The following RASA2 variants were observed in gnomAD, a reference collection of about 807,000 sequenced individuals.
RASA2 encodes ras GTPase-activating protein 2.
A neutral mutation model predicts 118.2 loss-of-function variants in RASA2; 155 were observed. That is an observed-to-expected ratio of 1.31 (90% CI 1.15 to 1.50). RASA2 has a LOEUF of 1.50. Among genes scored for constraint, RASA2 ranks in the 40% most tolerant of loss-of-function variants. The pLI is 0.00. For synonymous variants in RASA2, 353 were observed against 349.1 expected, an observed-to-expected ratio of 1.01 and a Z score of -0.12; for missense variants, 1,016 against 1,009.6, an observed-to-expected ratio of 1.01 and a Z score of -0.09.
At chr3:141,545,534 C>T (rs1031005236) in intron 5 of RASA2, among the ~76,000 whole-genome samples, 1 of 149,944 alleles carries the variant, frequency 6.7e-6, no homozygotes. Flanking sequence ...ACACGACCTC[C>T]ACCTCCTGGG....
chr3:141,570,002 T>A (rs953034631), intron 9 of RASA2, among the ~76,000 whole-genome samples: 2 of 152,168 alleles, frequency 1.3e-5, no homozygotes, highest in African/African-American at 4.8e-5. Flanking sequence ...TAGTCTTCAG[T>A]TGATAATTGT....
In RASA2 at chr3:141,608,590, C is replaced by T. The variant is rs766796391; in HGVS notation, c.2118C>T (p.Cys706=). The T allele has an allele frequency of 1.2e-6, 2 of 1,613,820 alleles. No individual in the cohort carries two copies. Among genetic ancestry groups the T allele is most frequent in the East Asian group, 4.5e-5 (2 of 44,872 alleles). The stretch of plus-strand genomic sequence containing the variant: ...ACGTACTCTGCAGGGTGAGCCGATG[C>T]AATCAAAACAGGCTCAGTTTTTATC... ...WIDVLCRVSR[C]NQNRLSFYHP... is the part of the protein sequence containing the mutation. The change falls in exon 21 of 24, where the codon TGC becomes TGT. Residue 706 remains cysteine (C), a synonymous_variant. Coordinates refer to ENST00000286364, the MANE Select transcript of RASA2 (RefSeq NM_006506.5).
At chr3:141,529,005 C>G (rs1402072479) in intron 3 of RASA2, among the ~76,000 whole-genome samples, 1 of 151,902 alleles carries the variant, frequency 6.6e-6, no homozygotes, top group Non-Finnish European at 1.5e-5. Flanking sequence ...ATGCTTTGTA[C>G]CAAGATGGCA....
intron 2 of RASA2, among the ~76,000 whole-genome samples, chr3:141,515,562 C>G (rs1311447598): frequency 1.3e-5 from 2 of 152,118 alleles, no homozygotes; most frequent in Non-Finnish European, 2.9e-5. Context: ...TTTTCAAATT[C>G]TTTTCAATGG....
chr3:141,601,617 C>A (rs918356800), intron 19 of RASA2, among the ~76,000 whole-genome samples: 2 of 152,046 alleles, frequency 1.3e-5, no homozygotes, highest in Non-Finnish European at 1.5e-5. Context: ...CTCCATTATT[C>A]ATTGTGATTC....
intron 1 of RASA2, among the ~76,000 whole-genome samples, chr3:141,499,246 T>C (rs1421674326): frequency 2.6e-5 from 4 of 152,206 alleles, no homozygotes; most frequent in Non-Finnish European, 5.9e-5. Flanking sequence ...GTTGCAGTGG[T>C]ATTTATGCGT....
At chr3:141,513,415 G>A (rs2081981766) in intron 2 of RASA2, among the ~76,000 whole-genome samples, 2 of 151,898 alleles carry the variant, frequency 1.3e-5, no homozygotes, top group Non-Finnish European at 2.9e-5. Context: ...TTCTTATTTG[G>A]CTTTAGAATG....
intron 19 of RASA2, among the ~76,000 whole-genome samples, chr3:141,593,684 TAGAG>T (rs776444072): frequency 6.6e-6 from 1 of 152,196 alleles, no homozygotes; most frequent in Non-Finnish European, 1.5e-5. Flanking sequence ...GAATTTTACT[TAGAG>T]AGCTTAGCAA....
chr3:141,594,927 CATTT>C (rs1347388866), intron 19 of RASA2, among the ~76,000 whole-genome samples: 1 of 151,590 alleles, frequency 6.6e-6, no homozygotes, highest in Non-Finnish European at 1.5e-5. Context: ...AAATGTATAA[CATTT>C]AATTATAGGG....
At chr3:141,597,538 A>G (rs1354559763) in intron 19 of RASA2, among the ~76,000 whole-genome samples, 4 of 152,206 alleles carry the variant, frequency 2.6e-5, no homozygotes, top group African/African-American at 9.6e-5. Context: ...ATTTATGGTC[A>G]TGGTTATACC....
intron 1 of RASA2, among the ~76,000 whole-genome samples, chr3:141,502,021 A>G (rs1311705935): frequency 6.6e-6 from 1 of 152,206 alleles, no homozygotes; most frequent in Admixed American, 6.5e-5. Flanking sequence ...AGGATGCAAA[A>G]CTGAGCACCA....
At chr3:141,576,919 G>A in intron 14 of RASA2, 81 bp from the exon 15 acceptor site, 1 of 894,022 alleles carries the variant, frequency 1.1e-6, no homozygotes, top group East Asian at 2.8e-5. Flanking sequence ...TAGTTTACAT[G>A]TCTTTTCTAT....
At chr3:141,567,134 G>A (rs1240542649) in intron 9 of RASA2, among the ~76,000 whole-genome samples, 3 of 152,122 alleles carry the variant, frequency 2.0e-5, no homozygotes, top group Non-Finnish European at 4.4e-5. Context: ...AATAATTCCA[G>A]GCCAGGCATG....
intron 1 of RASA2, among the ~76,000 whole-genome samples, chr3:141,493,938 A>G (rs984474928): frequency 4.6e-5 from 7 of 152,164 alleles, no homozygotes; most frequent in Non-Finnish European, 8.8e-5. Context: ...ATTTTTCTGT[A>G]TCTTGCTTTT....
At chr3:141,505,076 C>T (rs966680002) in intron 1 of RASA2, among the ~76,000 whole-genome samples, 7 of 152,206 alleles carry the variant, frequency 4.6e-5, no homozygotes, top group African/African-American at 1.7e-4. Context: ...CTCCCTGTCT[C>T]TACCCTCTGG....
At chr3:141,499,090 T>G (rs2151071414) in intron 1 of RASA2, among the ~76,000 whole-genome samples, 1 of 152,306 alleles carries the variant, frequency 6.6e-6, no homozygotes, top group East Asian at 1.9e-4. Flanking sequence ...TGTATAGTAG[T>G]TTCCTAACTT....
At chr3:141,608,789 A>T (rs978326948) in intron 21 of RASA2, 92 bp downstream of exon 21, 1 of 1,355,788 alleles carries the variant, frequency 7.4e-7, no homozygotes, top group Non-Finnish European at 1.0e-6. Context: ...GGAATGACAT[A>T]CTGATCCATG....
intron 9 of RASA2, among the ~76,000 whole-genome samples, chr3:141,565,131 C>T (rs2082799140): frequency 6.6e-6 from 1 of 151,986 alleles, no homozygotes; most frequent in African/African-American, 2.4e-5. Context: ...GACTACAGGC[C>T]TGTGCCACCA....
At chr3:141,520,998 C>T (rs1167360162) in intron 3 of RASA2, among the ~76,000 whole-genome samples, 1 of 152,140 alleles carries the variant, frequency 6.6e-6, no homozygotes, top group African/African-American at 2.4e-5. Context: ...GTTTGTATGG[C>T]TGTCATTAAA....
Sources: allele counts gnomAD v4.1 joint callset (sites outside exome capture counted in the v4.1 genomes callset), GRCh38; gene constraint gnomAD v4.1.1; transcripts MANE v1.5; gene names NCBI Gene and HGNC (gene_info 2026-07-23, HGNC 2026-07-21).